CNTN5: variants seen among roughly 807,000 people sequenced by gnomAD.
CNTN5 encodes contactin 5.
In CNTN5, 77 loss-of-function variants were observed where a neutral mutation model predicts 129.1. That is an observed-to-expected ratio of 0.60 (90% confidence interval 0.50 to 0.72). The LOEUF is 0.72. CNTN5 is among the 30% of genes least tolerant of loss of function. The probability of loss-of-function intolerance (pLI) is 0.00; values close to 1 mark genes in which losing one functional copy is unlikely to be tolerated. For synonymous variants in CNTN5, 509 were observed against 465.6 expected, an observed-to-expected ratio of 1.09 and a Z score of -1.20; for missense variants, 1,478 against 1,328.8, an observed-to-expected ratio of 1.11 and a Z score of -1.75.
intron 1 of CNTN5, among the ~76,000 whole-genome samples, chr11:99,092,027 G>A (rs1033009659): frequency 8.5e-5 from 13 of 152,056 alleles, no homozygotes; most frequent in Admixed American, 2.6e-4. Context: ...ATATTAAGTG[G>A]TGTATTAATA....
At chr11:100,085,809 C>A (rs1944528529) in intron 13 of CNTN5, among the ~76,000 whole-genome samples, 1 of 151,960 alleles carries the variant, frequency 6.6e-6, no homozygotes, top group South Asian at 2.1e-4. Flanking sequence ...AATCTAAAAC[C>A]TGTTCTCAGT....
intron 1 of CNTN5, among the ~76,000 whole-genome samples, chr11:99,100,166 C>A (rs1172054886): frequency 6.6e-6 from 1 of 152,056 alleles, no homozygotes; most frequent in African/African-American, 2.4e-5. Flanking sequence ...AGAGAGGAAA[C>A]CACTTATCTT....
intron 1 of CNTN5, among the ~76,000 whole-genome samples, chr11:99,068,878 AAT>A (rs1466582499): frequency 2.0e-5 from 3 of 152,176 alleles, no homozygotes; most frequent in African/African-American, 7.2e-5. Flanking sequence ...TAATTTTAAA[AAT>A]AATCAGATCT....
intron 3 of CNTN5, among the ~76,000 whole-genome samples, chr11:99,620,688 A>G (rs1950918290): frequency 6.6e-6 from 1 of 151,972 alleles, no homozygotes; most frequent in Non-Finnish European, 1.5e-5. Context: ...TAGAAAATCA[A>G]ACGATGGAAA....
intron 1 of CNTN5, among the ~76,000 whole-genome samples, chr11:99,286,521 G>T (rs144940508): frequency 6.6e-6 from 1 of 152,040 alleles, no homozygotes; most frequent in African/African-American, 2.4e-5. Flanking sequence ...GTTAAAAATG[G>T]TATTTAAATA....
At chr11:100,170,465 C>T (rs1028786494) in intron 13 of CNTN5, among the ~76,000 whole-genome samples, 2 of 151,988 alleles carry the variant, frequency 1.3e-5, no homozygotes, top group African/African-American at 4.8e-5. Context: ...TGGCTAAGCC[C>T]TACACTCAAC....
At chr11:99,737,504 C>A (rs769252840) in intron 3 of CNTN5, among the ~76,000 whole-genome samples, 23 of 152,008 alleles carry the variant, frequency 1.5e-4, no homozygotes, top group Non-Finnish European at 3.1e-4. Context: ...GAATTTATTT[C>A]TTGGTGTCTG....
chr11:99,887,265 T>C (rs1379101296), intron 6 of CNTN5, among the ~76,000 whole-genome samples: 1 of 152,226 alleles, frequency 6.6e-6, no homozygotes, highest in Non-Finnish European at 1.5e-5. Context: ...TGGTCTCTGC[T>C]AATGAGACCT....
intron 15 of CNTN5, among the ~76,000 whole-genome samples, chr11:100,211,459 A>T (rs891286969): frequency 6.6e-6 from 1 of 151,894 alleles, no homozygotes; most frequent in Admixed American, 6.6e-5. Context: ...GTGCTAGATC[A>T]GTCTGATATT....
intron 6 of CNTN5, among the ~76,000 whole-genome samples, chr11:99,905,075 C>T (rs1434468397): frequency 6.6e-6 from 1 of 151,990 alleles, no homozygotes; most frequent in Admixed American, 6.6e-5. Context: ...GCAAAAATAT[C>T]CCTTTCTGTA....
chr11:99,103,169 G>A (rs1215820490), intron 1 of CNTN5, among the ~76,000 whole-genome samples: 1 of 152,138 alleles, frequency 6.6e-6, no homozygotes, highest in Non-Finnish European at 1.5e-5. Flanking sequence ...ATCTCCCACA[G>A]GTTATCTCCC....
At position 100,044,097 on chromosome 11, in the gene CNTN5, T is replaced by TAC. The variant is rs199673165; in HGVS notation, c.981-17114_981-17113insCA. Among the ~76,000 whole-genome samples, 41 of 123,300 alleles carry TAC rather than the reference T, an allele frequency of 3.3e-4. No homozygotes were observed. In the East Asian group the frequency reaches 4.5e-3, roughly 13 times the overall value. The allele number at this position is 123,300 out of a possible 152,430, so 80.9% of individuals were successfully genotyped here. A position where few individuals can be genotyped will look rare whatever the true frequency, so the allele number is the denominator to read the frequency against. On this transcript the variant is annotated intron_variant, in intron 9 of 24. Coordinates refer to ENST00000524871, the MANE Select transcript of CNTN5 (RefSeq NM_014361.4). The stretch of plus-strand genomic sequence containing the variant: ...GGTGTCTATTATTCCACAGTGTATA[T>TAC]ATACACACACACACACACACGTATA...
chr11:99,267,636 T>A (rs1265582321), intron 1 of CNTN5, among the ~76,000 whole-genome samples: 1 of 152,002 alleles, frequency 6.6e-6, no homozygotes, highest in African/African-American at 2.4e-5. Context: ...ACATTTAAAT[T>A]GGCTCCATCT....
At chr11:99,484,040 C>A (rs1945709106) in intron 2 of CNTN5, among the ~76,000 whole-genome samples, 1 of 151,588 alleles carries the variant, frequency 6.6e-6, no homozygotes, top group Non-Finnish European at 1.5e-5. Flanking sequence ...GCAACAAAAG[C>A]AAAAATAAAC....
chr11:99,575,416 G>A (rs1008550622), intron 3 of CNTN5, among the ~76,000 whole-genome samples: 6 of 152,128 alleles, frequency 3.9e-5, no homozygotes, highest in Admixed American at 3.3e-4. Context: ...GTGGTCATTG[G>A]AGTGTCTGCA....
At chr11:99,418,265 C>T (rs577310335) in intron 2 of CNTN5, among the ~76,000 whole-genome samples, 3 of 151,816 alleles carry the variant, frequency 2.0e-5, no homozygotes, top group South Asian at 2.1e-4. Context: ...AAAGAACCAA[C>T]ATGAAAACAA....
intron 3 of CNTN5, among the ~76,000 whole-genome samples, chr11:99,790,083 CTG>C (rs1235201512): frequency 6.6e-6 from 1 of 151,988 alleles, no homozygotes; most frequent in Non-Finnish European, 1.5e-5. Flanking sequence ...CCAGCTGGAT[CTG>C]TGTTTCTGCA....
intron 2 of CNTN5, among the ~76,000 whole-genome samples, chr11:99,528,788 G>C (rs1947585050): frequency 6.6e-6 from 1 of 152,168 alleles, no homozygotes; most frequent in South Asian, 2.1e-4. Flanking sequence ...CTCAGGCCGG[G>C]CGTAGTGGCT....
At chr11:99,641,628 C>T (rs1023547676) in intron 3 of CNTN5, among the ~76,000 whole-genome samples, 1 of 152,058 alleles carries the variant, frequency 6.6e-6, no homozygotes, top group Non-Finnish European at 1.5e-5. Flanking sequence ...AAAGAGATGT[C>T]GGCTAATGGG....
Sources: gnomAD v4.1 joint callset for allele counts (sites outside exome capture counted in the v4.1 genomes callset) on GRCh38, gnomAD v4.1.1 for gene constraint, MANE v1.5 for transcripts, NCBI Gene and HGNC (gene_info 2026-07-23, HGNC 2026-07-21) for gene names.